RABL2A: variants seen among roughly 807,000 people sequenced by gnomAD.
The protein encoded by RABL2A is RAB, member of RAS oncogene family like 2A.
Under a neutral mutation model 30.7 loss-of-function variants are expected in RABL2A, and 17 were observed. That is an observed-to-expected ratio of 0.55 (90% CI 0.38 to 0.83). The LOEUF is 0.83. RABL2A is among the 40% of genes least tolerant of loss of function. The probability of loss-of-function intolerance (pLI) is 0.00; values close to 1 mark genes in which losing one functional copy is unlikely to be tolerated. For missense variants in RABL2A, 155 were observed against 272.6 expected (o/e 0.57, Z 3.04); for synonymous variants, 64 against 101.8 (o/e 0.63, Z 2.24).
intron 2 of RABL2A, 116 bp downstream of exon 2, chr2:113,628,829 G>T (rs1239963364): frequency 4.4e-5 from 61 of 1,386,018 alleles, no homozygotes; most frequent in Admixed American, 2.0e-5. Flanking sequence ...AGCAGTCTTG[G>T]CTGGAGCCCA....
At position 113,642,096 on chromosome 2, in the gene RABL2A, C is replaced by T; in HGVS notation, c.657C>T (p.Thr219=). 6.2e-7 allele frequency: 1 copy of T among 1,613,616 alleles called. No individual in the cohort carries two copies. The highest frequency in any genetic ancestry group is 1.1e-5 in the South Asian group (1 of 91,066). Residue 219 remains threonine, a synonymous_variant, in exon 9 of 9, where the codon ACC becomes ACT. Coordinates refer to ENST00000683472, the MANE Select transcript of RABL2A (RefSeq NM_001306158.2). ...PDQEQSSSIE[T]PSEEVASPHS is the part of the protein sequence containing the mutation. ...AGGAACAGAGCAGCAGCATCGAGAC[C>T]CCATCAGAGGAGGTGGCCTCTCCCC...
At chr2:113,635,526 C>T (rs1038640495) in intron 5 of RABL2A, 3 of 309,810 alleles carry the variant, frequency 9.7e-6, no homozygotes, top group East Asian at 8.4e-5. Flanking sequence ...GTAGATGCTG[C>T]GGGTCCCAGA....
chr2:113,635,694 A>G (rs1194425030), intron 5 of RABL2A, among the ~76,000 whole-genome samples: 2 of 152,212 alleles, frequency 1.3e-5, no homozygotes, highest in South Asian at 2.1e-4. Context: ...GAAAGGAGAA[A>G]GGAGCTCTGT....
intron 2 of RABL2A, among the ~76,000 whole-genome samples, chr2:113,632,396 G>A (rs1398309297): frequency 9.2e-5 from 14 of 152,176 alleles, no homozygotes; most frequent in African/African-American, 3.4e-4. Flanking sequence ...AATAGATTAA[G>A]CAGATTCTCC....
chr2:113,628,841 A>G, intron 2 of RABL2A, 128 bp downstream of exon 2: 1 of 1,488,564 alleles, frequency 6.7e-7, no homozygotes, highest in Non-Finnish European at 9.2e-7. Context: ...TGGAGCCCAG[A>G]TGTTCATGGG....
At chr2:113,632,080 G>C (rs575830043) in intron 2 of RABL2A, among the ~76,000 whole-genome samples, 1 of 151,964 alleles carries the variant, frequency 6.6e-6, no homozygotes, top group African/African-American at 2.4e-5. Flanking sequence ...CCTTCAAAAC[G>C]TGAGGGAAAA....
chr2:113,629,216 G>T (rs186701971), intron 2 of RABL2A, among the ~76,000 whole-genome samples: 3 of 152,294 alleles, frequency 2.0e-5, no homozygotes, highest in South Asian at 2.1e-4. Context: ...AGGCTCTGCC[G>T]TGCTGCCAGC....
At chr2:113,630,756 C>T (rs1325346527) in intron 2 of RABL2A, among the ~76,000 whole-genome samples, 1 of 152,130 alleles carries the variant, frequency 6.6e-6, no homozygotes, top group Non-Finnish European at 1.5e-5. Flanking sequence ...TGGGCACTGC[C>T]TCCTGTGGAA....
In RABL2A at chr2:113,642,508, G is replaced by A. The variant is rs1163339287; in HGVS notation, c.*379G>A. The A allele has an allele frequency of 6.9e-5, 21 of 304,670 alleles. No individual in the cohort carries two copies. Among genetic ancestry groups the A allele is most frequent in the Admixed American group, 3.9e-4 (8 of 20,694 alleles). The allele number at this position is 304,670 out of a possible 1,614,324, so 18.9% of individuals were successfully genotyped here. ...TTGTTTTCTTTCCAAAGCTCACCTCGGGGACAATTCCTTGGGCTTCTCCTG... is the reference window on the plus strand; with the variant it reads ...TTGTTTTCTTTCCAAAGCTCACCTCAGGGACAATTCCTTGGGCTTCTCCTG... On this transcript the variant is annotated 3_prime_UTR_variant, in exon 9 of 9. Transcript: ENST00000683472.
intron 5 of RABL2A, chr2:113,637,353 C>T: frequency 9.9e-7 from 1 of 1,010,334 alleles, no homozygotes; most frequent in Non-Finnish European, 1.2e-6. Flanking sequence ...TTGTCATTAG[C>T]TTAGCTCTTC....
chr2:113,639,002 G>A (rs1437850310), intron 5 of RABL2A, among the ~76,000 whole-genome samples: 1 of 152,196 alleles, frequency 6.6e-6, no homozygotes, highest in Non-Finnish European at 1.5e-5. Flanking sequence ...ATTTAAAGAG[G>A]CCGGGCACAG....
At chr2:113,635,535 G>A (rs1682264260) in intron 5 of RABL2A, 2 of 302,588 alleles carry the variant, frequency 6.6e-6, no homozygotes, top group South Asian at 3.1e-5. Flanking sequence ...GCGGGTCCCA[G>A]AGAACCTTCT....
chr2:113,628,789 A>C (rs1679100280), intron 2 of RABL2A, 76 bp downstream of exon 2: 1 of 716,866 alleles, frequency 1.4e-6, no homozygotes, highest in Non-Finnish European at 2.3e-6. Context: ...CCAGAGGCAG[A>C]GGAGCATGGC....
intron 1 of RABL2A, among the ~76,000 whole-genome samples, 160 bp downstream of exon 1, chr2:113,627,560 C>G (rs1678541004): frequency 6.6e-6 from 1 of 152,006 alleles, no homozygotes; most frequent in Admixed American, 6.5e-5. Flanking sequence ...CCTGGCGATG[C>G]CTGGACATGG....
At chr2:113,628,971 A>G (rs906266404) in intron 2 of RABL2A, among the ~76,000 whole-genome samples, 10 of 151,618 alleles carry the variant, frequency 6.6e-5, no homozygotes, top group African/African-American at 2.4e-4. Flanking sequence ...AACTGAGGAC[A>G]TTGTATGTGG....
chr2:113,641,409 C>G lies in RABL2A; in HGVS notation c.466C>G (p.Leu156Val). 6.2e-7 allele frequency: 1 copy of G among 1,611,788 alleles called. No homozygotes were observed. The highest frequency in any genetic ancestry group is 1.1e-5 in the South Asian group (1 of 90,990). ...FNFAKKFSLPLYFVSAADGTN... is the reference protein window; with the variant it reads ...FNFAKKFSLPVYFVSAADGTN... ...TTTTGCCAAGAAGTTCTCCCTGCCC[C>G]TGTATTTCGTCTCGGCTGCTGATGG... The change falls in exon 7 of 9, where the codon CTG (leucine) becomes GTG (valine). Residue 156 changes from leucine to valine, a missense_variant. Leu to Val is a conservative substitution (Grantham distance 32). This residue lies in a region of RABL2A where 33 missense variants were observed against 30.7 expected (regional missense o/e 1.08). Transcript: ENST00000683472.
In RABL2A at chr2:113,627,312, G is replaced by C. The variant is rs1365947963; in HGVS notation, c.-142G>C. ...GCGAGCTGGGCCGGCGGGGTGGTTC[G>C]AGAGCGCGCAGAGTCCAGACTGGCG... On this transcript the variant is annotated 5_prime_UTR_variant, in exon 1 of 9. Coordinates refer to ENST00000683472, the MANE Select transcript of RABL2A (RefSeq NM_001306158.2). 7.7e-6 allele frequency: 1 copy of C among 130,640 alleles called. No individual in the cohort carries two copies. Among genetic ancestry groups the C allele is most frequent in the African/African-American group, 3.4e-5 (1 of 29,272 alleles). 8.1% of individuals were successfully genotyped at this position (130,640 alleles called of 1,614,324 possible). A position where few individuals can be genotyped will look rare whatever the true frequency, so the allele number is the denominator to read the frequency against.
chr2:113,643,100 C>A lies in RABL2A; in HGVS notation c.*971C>A. ...AAGCGGTAAAATCGAGTCCTTACAG[C>A]CATACCACAAGGTACGTCCATTTGG... On this transcript the variant is annotated 3_prime_UTR_variant, in exon 9 of 9. Transcript: ENST00000683472. 2.2e-6 allele frequency: 1 copy of A among 452,854 alleles called. No individual in the cohort carries two copies. The highest frequency in any genetic ancestry group is 4.4e-6 in the Non-Finnish European group (1 of 226,010). 28.1% of individuals were successfully genotyped at this position (452,854 alleles called of 1,614,324 possible).
rs1209447700 is a variant in RABL2A, at chr2:113,642,225, T to C, written c.*96T>C. 1.1e-5 allele frequency: 17 copies of C among 1,481,448 alleles called. No homozygotes were observed. Among genetic ancestry groups the C allele is most frequent in the Non-Finnish European group, 1.5e-5 (17 of 1,114,726 alleles). The allele number at this position is 1,481,448 out of a possible 1,614,324, so 91.8% of individuals were successfully genotyped here. On this transcript the variant is annotated 3_prime_UTR_variant, in exon 9 of 9. Coordinates refer to ENST00000683472, the MANE Select transcript of RABL2A (RefSeq NM_001306158.2). ...TGGAGAAACTCTCTAGGCCATCCCC[T>C]CTTCTACCTCCTGCAACCCACCCAT...
Sources: allele counts gnomAD v4.1 joint callset (sites outside exome capture counted in the v4.1 genomes callset), GRCh38; gene constraint gnomAD v4.1.1; regional missense constraint gnomAD v4.1.1; transcripts MANE v1.5; gene names NCBI Gene and HGNC (gene_info 2026-07-23, HGNC 2026-07-21).